DCC: variants seen among roughly 807,000 people sequenced by gnomAD.
DCC encodes the protein DCC netrin 1 receptor.
A neutral mutation model predicts 172.5 loss-of-function variants in DCC; 58 were observed. The observed-to-expected ratio is 0.34, with a 90% CI of 0.27 to 0.42. The LOEUF is 0.42. Among genes scored for constraint, DCC ranks in the 10% least tolerant of loss-of-function variants. The pLI is 1.00. For synonymous variants in DCC, 709 were observed against 644.5 expected (o/e 1.10, Z -1.52); for missense variants, 1,740 against 1,791.0 (o/e 0.97, Z 0.51).
At chr18:53,373,573 C>T (rs190470685) in intron 15 of DCC, among the ~76,000 whole-genome samples, 9 of 152,220 alleles carry the variant, frequency 5.9e-5, no homozygotes, top group African/African-American at 1.9e-4. Flanking sequence ...AACTTCATTT[C>T]ATCATGTTTT....
chr18:52,438,189 T>C (rs1249303505), intron 1 of DCC, among the ~76,000 whole-genome samples: 1 of 152,180 alleles, frequency 6.6e-6, no homozygotes, highest in Non-Finnish European at 1.5e-5. Flanking sequence ...CACACAATTT[T>C]CACCACTCCA....
chr18:53,468,072 A>T (rs2045644405), intron 25 of DCC, 62 bp downstream of exon 25: 1 of 867,220 alleles, frequency 1.2e-6, no homozygotes, highest in Admixed American at 1.7e-5. Context: ...TCTTTTCTAT[A>T]AAAAATCAAA....
At chr18:52,960,622 G>A (rs2040827300) in intron 5 of DCC, among the ~76,000 whole-genome samples, 1 of 152,032 alleles carries the variant, frequency 6.6e-6, no homozygotes, top group Non-Finnish European at 1.5e-5. Context: ...AGCCACCATT[G>A]CACAACATTG....
intron 1 of DCC, among the ~76,000 whole-genome samples, chr18:52,352,678 A>G (rs1227496206): frequency 6.6e-6 from 1 of 152,094 alleles, no homozygotes; most frequent in Non-Finnish European, 1.5e-5. Flanking sequence ...TCTGTGGAGG[A>G]GTGGCTCTCA....
At chr18:53,118,939 T>G (rs1245602480) in intron 7 of DCC, among the ~76,000 whole-genome samples, 1 of 151,818 alleles carries the variant, frequency 6.6e-6, no homozygotes, top group Non-Finnish European at 1.5e-5. Flanking sequence ...GAAATTCAAC[T>G]TAAGTTTTAA....
At chr18:53,404,565 A>G (rs992263164) in intron 19 of DCC, among the ~76,000 whole-genome samples, 1 of 151,802 alleles carries the variant, frequency 6.6e-6, no homozygotes, top group Non-Finnish European at 1.5e-5. Flanking sequence ...CCCTGTCTCT[A>G]CTAAAAATAC....
chr18:52,986,493 C>T (rs536874372), intron 5 of DCC, among the ~76,000 whole-genome samples: 21 of 152,092 alleles, frequency 1.4e-4, no homozygotes, highest in African/African-American at 5.1e-4. Context: ...AGTTTTAAGT[C>T]TTAGTTTCGC....
At chr18:52,801,185 A>G (rs886836891) in intron 2 of DCC, among the ~76,000 whole-genome samples, 3 of 152,218 alleles carry the variant, frequency 2.0e-5, no homozygotes, top group African/African-American at 7.2e-5. Flanking sequence ...TAAGAATTAT[A>G]GAAGTACACT....
At chr18:53,497,183 C>T (rs2046034926) in intron 26 of DCC, among the ~76,000 whole-genome samples, 1 of 152,216 alleles carries the variant, frequency 6.6e-6, no homozygotes, top group African/African-American at 2.4e-5. Context: ...GCCACAGGAA[C>T]ATCATTTGTG....
intron 1 of DCC, among the ~76,000 whole-genome samples, chr18:52,750,474 C>T (rs573488084): frequency 6.6e-6 from 1 of 152,242 alleles, no homozygotes; most frequent in African/African-American, 2.4e-5. Context: ...TATGTGCTCA[C>T]CATTATTTTA....
At chr18:52,366,172 A>G (rs896566516) in intron 1 of DCC, among the ~76,000 whole-genome samples, 5 of 152,142 alleles carry the variant, frequency 3.3e-5, no homozygotes, top group Admixed American at 1.3e-4. Context: ...ATAAACATCT[A>G]TGTTTAAAAT....
At chr18:52,876,437 T>A (rs1199396409) in intron 2 of DCC, among the ~76,000 whole-genome samples, 1 of 152,252 alleles carries the variant, frequency 6.6e-6, no homozygotes, top group Admixed American at 6.5e-5. Context: ...TAGGCATACA[T>A]TCTTTACTTG....
chr18:52,982,258 G>A (rs1436420474), intron 5 of DCC, among the ~76,000 whole-genome samples: 2 of 152,114 alleles, frequency 1.3e-5, no homozygotes, highest in African/African-American at 4.8e-5. Context: ...GTCTACAGTG[G>A]TATACTCACA....
intron 2 of DCC, among the ~76,000 whole-genome samples, chr18:52,863,397 C>T (rs111548153): frequency 3.3e-5 from 5 of 151,706 alleles, no homozygotes; most frequent in Non-Finnish European, 5.9e-5. Context: ...AAATACATAT[C>T]GTATAAGTTT....
intron 22 of DCC, among the ~76,000 whole-genome samples, chr18:53,440,546 A>C (rs1912212080): frequency 6.6e-6 from 1 of 152,076 alleles, no homozygotes; most frequent in Non-Finnish European, 1.5e-5. Context: ...ATGTAAATAA[A>C]GTATACATAA....
chr18:53,050,300 T>A (rs914659898), intron 5 of DCC, among the ~76,000 whole-genome samples: 1 of 152,004 alleles, frequency 6.6e-6, no homozygotes, highest in African/African-American at 2.4e-5. Context: ...AACACCCAGA[T>A]ACACCCGGAA....
At chr18:53,258,051 G>A (rs2056544413) in intron 12 of DCC, among the ~76,000 whole-genome samples, 1 of 151,988 alleles carries the variant, frequency 6.6e-6, no homozygotes, top group Non-Finnish European at 1.5e-5. Flanking sequence ...TGGGATCGGT[G>A]GTGATATCCC....
chr18:53,251,036 G>A lies in DCC; in HGVS notation c.1911+35439G>A, dbSNP rs145028903. Among the ~76,000 whole-genome samples the A allele has an allele frequency of 1.6e-4, 24 of 151,970 alleles. No homozygotes were observed. In the East Asian group the frequency reaches 4.5e-3, roughly 28 times the overall value. On this transcript the variant is annotated intron_variant, in intron 12 of 28. Transcript: ENST00000442544. ...TCTTGTCCTTCTCTCCATCTGTCTTGCATCACCTTTGTGGCCTCCCTTTCT... is the reference window on the plus strand; with the variant it reads ...TCTTGTCCTTCTCTCCATCTGTCTTACATCACCTTTGTGGCCTCCCTTTCT...
intron 1 of DCC, among the ~76,000 whole-genome samples, chr18:52,621,894 C>T (rs1489795906): frequency 6.6e-6 from 1 of 152,130 alleles, no homozygotes; most frequent in Non-Finnish European, 1.5e-5. Flanking sequence ...AGCAGCTCAT[C>T]CAGAATAGTA....
Sources: gnomAD v4.1 joint callset for allele counts (sites outside exome capture counted in the v4.1 genomes callset) on GRCh38, gnomAD v4.1.1 for gene constraint, MANE v1.5 for transcripts, NCBI Gene and HGNC (gene_info 2026-07-23, HGNC 2026-07-21) for gene names.